Variants in GALNTL6 observed in about 807,000 individuals in gnomAD.
GALNTL6 encodes polypeptide N-acetylgalactosaminyltransferase-like 6.
In GALNTL6, 46 loss-of-function variants were observed where a neutral mutation model predicts 73.7. The ratio of observed to expected loss-of-function variants is 0.62; its 90% CI spans 0.49 to 0.80. The LOEUF (loss-of-function observed/expected upper bound fraction) is 0.80. Among genes scored for constraint, GALNTL6 ranks in the 30% least tolerant of loss-of-function variants. The probability of loss-of-function intolerance (pLI) is 0.00; values close to 1 mark genes in which losing one functional copy is unlikely to be tolerated. For synonymous variants in GALNTL6, 259 were observed against 263.7 expected (o/e 0.98, Z 0.17); for missense variants, 604 against 755.0 (o/e 0.80, Z 2.34).
At chr4:172,925,859 C>G (rs892505793) in intron 8 of GALNTL6, among the ~76,000 whole-genome samples, 1 of 152,156 alleles carries the variant, frequency 6.6e-6, no homozygotes, top group Non-Finnish European at 1.5e-5. Flanking sequence ...TTGTTTTAAA[C>G]AACTAAGTAT....
At chr4:172,470,730 G>A (rs1733016337) in intron 5 of GALNTL6, among the ~76,000 whole-genome samples, 1 of 152,064 alleles carries the variant, frequency 6.6e-6, no homozygotes, top group Non-Finnish European at 1.5e-5. Context: ...CACCCTAAAG[G>A]ACTTTTCTCC....
intron 8 of GALNTL6, among the ~76,000 whole-genome samples, chr4:172,885,889 C>T (rs935124200): frequency 1.3e-5 from 2 of 152,180 alleles, no homozygotes; most frequent in Non-Finnish European, 2.9e-5. Flanking sequence ...ACCATCTTTG[C>T]ATCTTTGGGA....
At chr4:172,635,575 C>T (rs1413330947) in intron 5 of GALNTL6, among the ~76,000 whole-genome samples, 2 of 152,056 alleles carry the variant, frequency 1.3e-5, no homozygotes, top group African/African-American at 4.8e-5. Context: ...CACAAATATA[C>T]TTATTCAATA....
chr4:172,381,090 AGAGT>A, intron 5 of GALNTL6, among the ~76,000 whole-genome samples: 1 of 152,364 alleles, frequency 6.6e-6, no homozygotes, highest in Non-Finnish European at 1.5e-5. Flanking sequence ...ACAAAACAAT[AGAGT>A]GAGGTGGAAT....
At chr4:172,851,562 C>G (rs1038186952) in intron 7 of GALNTL6, among the ~76,000 whole-genome samples, 1 of 152,110 alleles carries the variant, frequency 6.6e-6, no homozygotes, top group African/African-American at 2.4e-5. Context: ...CAAGAACCTT[C>G]TTTAAGGCCA....
chr4:172,899,181 G>A (rs1441257159), intron 8 of GALNTL6, among the ~76,000 whole-genome samples: 2 of 152,164 alleles, frequency 1.3e-5, no homozygotes, highest in African/African-American at 2.4e-5. Context: ...GTGTCTGAGG[G>A]GTTCTTGTCT....
intron 2 of GALNTL6, among the ~76,000 whole-genome samples, chr4:171,936,821 A>C (rs1222988395): frequency 6.6e-6 from 1 of 152,190 alleles, no homozygotes; most frequent in Non-Finnish European, 1.5e-5. Flanking sequence ...AAACATATTC[A>C]AATGAAGAAG....
chr4:172,280,282 C>T (rs1738997170), intron 3 of GALNTL6, among the ~76,000 whole-genome samples: 2 of 151,990 alleles, frequency 1.3e-5, no homozygotes, highest in African/African-American at 4.8e-5. Flanking sequence ...ATTCTGAAGA[C>T]AATACTTAGG....
At chr4:172,662,291 A>G (rs1387538340) in intron 5 of GALNTL6, among the ~76,000 whole-genome samples, 5 of 152,186 alleles carry the variant, frequency 3.3e-5, no homozygotes, top group Non-Finnish European at 7.3e-5. Context: ...ATTATTGCTA[A>G]TTGCGAAATA....
intron 5 of GALNTL6, among the ~76,000 whole-genome samples, chr4:172,680,641 T>C (rs1732584117): frequency 6.6e-6 from 1 of 152,168 alleles, no homozygotes; most frequent in African/African-American, 2.4e-5. Flanking sequence ...TATCCTCTAG[T>C]TCTATGATCC....
intron 2 of GALNTL6, among the ~76,000 whole-genome samples, chr4:172,004,745 T>A (rs1579050593): frequency 2.2e-5 from 2 of 90,876 alleles, no homozygotes; most frequent in African/African-American, 4.1e-5. Flanking sequence ...TGCAGAGATA[T>A]GAAAAGAAAA....
chr4:172,749,385 T>G (rs1478390834), intron 5 of GALNTL6, among the ~76,000 whole-genome samples: 3 of 152,134 alleles, frequency 2.0e-5, no homozygotes, highest in Non-Finnish European at 4.4e-5. Context: ...TCACTTAAAA[T>G]TTTTTCAGCT....
chr4:172,572,779 C>A (rs13124556), intron 5 of GALNTL6, among the ~76,000 whole-genome samples: 71,952 of 151,932 alleles, frequency 0.47, 18,848 homozygotes, highest in East Asian at 0.67. Context: ...TGCTACCATA[C>A]TTTACTAATA....
chr4:171,891,326 T>C (rs1308746760), intron 2 of GALNTL6, among the ~76,000 whole-genome samples: 1 of 152,210 alleles, frequency 6.6e-6, no homozygotes, highest in Non-Finnish European at 1.5e-5. Context: ...GAGCCAGCGT[T>C]CTTGGAGTCT....
At chr4:172,874,329 G>A (rs1475951933) in intron 7 of GALNTL6, among the ~76,000 whole-genome samples, 2 of 152,164 alleles carry the variant, frequency 1.3e-5, no homozygotes, top group African/African-American at 4.8e-5. Context: ...AAGGGAATGT[G>A]GAAACAGATA....
chr4:171,908,418 A>G (rs1560836385), intron 2 of GALNTL6, among the ~76,000 whole-genome samples: 1 of 152,204 alleles, frequency 6.6e-6, no homozygotes, highest in Non-Finnish European at 1.5e-5. Context: ...ACTGGCCATC[A>G]GAGAAATGCA....
chr4:171,903,286 G>C (rs7662744), intron 2 of GALNTL6, among the ~76,000 whole-genome samples: 1 of 151,942 alleles, frequency 6.6e-6, no homozygotes, highest in Non-Finnish European at 1.5e-5. Context: ...GTGGGTGCGC[G>C]CACCGTGCGC....
rs190028566 is a variant in GALNTL6, at chr4:172,835,511, C to T, written c.923+21788C>T. ...AACCAGAAATACAGTGTGGAGTCCA[C>T]ACACGGTATGCTTAAATCTAATCTT... On this transcript the variant is annotated intron_variant, in intron 7 of 12. Transcript: ENST00000506823. 2.3e-3 allele frequency among the ~76,000 whole-genome samples: 343 copies of T among 152,304 alleles called. 2 individuals are homozygous for T. The highest frequency in any genetic ancestry group is 1.9e-4 in the Non-Finnish European group (13 of 68,034).
chr4:172,542,682 G>T (rs548904919), intron 5 of GALNTL6, among the ~76,000 whole-genome samples: 6 of 152,234 alleles, frequency 3.9e-5, no homozygotes, highest in Non-Finnish European at 7.4e-5. Flanking sequence ...TGTTTTTCGG[G>T]TTTCTCTGGG....
Sources: allele counts gnomAD v4.1 joint callset (sites outside exome capture counted in the v4.1 genomes callset), GRCh38; gene constraint gnomAD v4.1.1; transcripts MANE v1.5; gene names NCBI Gene and HGNC (gene_info 2026-07-23, HGNC 2026-07-21).